Variants in DTNA observed in about 807,000 individuals in gnomAD.
DTNA encodes the protein dystrobrevin alpha.
Under a neutral mutation model 100.7 loss-of-function variants are expected in DTNA, and 43 were observed. The observed-to-expected ratio is 0.43, with a 90% CI of 0.33 to 0.55. The LOEUF (loss-of-function observed/expected upper bound fraction) is 0.55. DTNA is among the 20% of genes least tolerant of loss of function. DTNA has a pLI of 0.04. For missense variants in DTNA, 798 were observed against 953.9 expected (o/e 0.84, Z 2.15); for synonymous variants, 349 against 347.9 (o/e 1.00, Z -0.04).
At chr18:34,559,276 T>C (rs934185751) in intron 1 of DTNA, among the ~76,000 whole-genome samples, 3 of 152,228 alleles carry the variant, frequency 2.0e-5, no homozygotes, top group Non-Finnish European at 4.4e-5. Flanking sequence ...AAACTCACAG[T>C]TGTTTAATTG....
chr18:34,591,882 G>T (rs1169959115), intron 1 of DTNA, among the ~76,000 whole-genome samples: 3 of 152,160 alleles, frequency 2.0e-5, no homozygotes, highest in Admixed American at 1.3e-4. Context: ...ACTAAAATAG[G>T]CTAGTAATAT....
intron 1 of DTNA, among the ~76,000 whole-genome samples, chr18:34,640,221 T>A (rs540387783): frequency 3.3e-5 from 5 of 152,316 alleles, no homozygotes; most frequent in African/African-American, 1.2e-4. Context: ...GACCATTTCA[T>A]TACCTCTCTC....
At chr18:34,555,395 A>C (rs2045923438) in intron 1 of DTNA, among the ~76,000 whole-genome samples, 1 of 150,822 alleles carries the variant, frequency 6.6e-6, no homozygotes, top group African/African-American at 2.5e-5. Flanking sequence ...CTCTGATTTT[A>C]GTTATTTCTT....
chr18:34,496,258 T>C (rs1245523181), intron 1 of DTNA, among the ~76,000 whole-genome samples: 2 of 133,318 alleles, frequency 1.5e-5, no homozygotes, highest in Non-Finnish European at 3.2e-5. Context: ...GAATTATGGC[T>C]ACATCTTTAT....
intron 1 of DTNA, among the ~76,000 whole-genome samples, chr18:34,553,563 G>A (rs1049299336): frequency 5.9e-5 from 9 of 152,124 alleles, no homozygotes; most frequent in African/African-American, 2.2e-4. Flanking sequence ...TGTATAAGGT[G>A]TAAGGAAGGG....
chr18:34,838,852 G>T lies in DTNA; in HGVS notation c.1346+15G>T. The T allele has an allele frequency of 6.2e-7, 1 of 1,611,604 alleles. No homozygotes were observed. Among genetic ancestry groups the T allele is most frequent in the Non-Finnish European group, 8.5e-7 (1 of 1,177,936 alleles). ...AACCCCTCATGGTTAGTGCAGGTTT[G>T]GCTGCTTGACTGTCCTTAGAGAGGG... On this transcript the variant is annotated intron_variant, in intron 13 of 22. Transcript: ENST00000444659.
At chr18:34,615,787 T>C (rs910805587) in intron 1 of DTNA, among the ~76,000 whole-genome samples, 3 of 152,152 alleles carry the variant, frequency 2.0e-5, no homozygotes, top group African/African-American at 4.8e-5. Context: ...GTTCCCTTTT[T>C]TGTGTCTATG....
intron 3 of DTNA, among the ~76,000 whole-genome samples, chr18:34,773,189 T>A (rs939022015): frequency 1.3e-5 from 2 of 152,232 alleles, no homozygotes; most frequent in African/African-American, 4.8e-5. Flanking sequence ...TCAGCTAATT[T>A]GGGATCATAA....
intron 4 of DTNA, among the ~76,000 whole-genome samples, chr18:34,795,663 A>G (rs1037425597): frequency 1.4e-4 from 22 of 152,202 alleles, no homozygotes; most frequent in African/African-American, 5.3e-4. Context: ...TTTGTTAGAA[A>G]TGTAACAATG....
At chr18:34,682,612 T>G (rs1006037071) in intron 1 of DTNA, among the ~76,000 whole-genome samples, 1 of 152,204 alleles carries the variant, frequency 6.6e-6, no homozygotes, top group Non-Finnish European at 1.5e-5. Flanking sequence ...CTAATGATGT[T>G]GAACATCTTT....
chr18:34,759,641 G>A (rs935340808), intron 2 of DTNA, among the ~76,000 whole-genome samples: 1 of 152,192 alleles, frequency 6.6e-6, no homozygotes, highest in Non-Finnish European at 1.5e-5. Context: ...AAATCAAAAG[G>A]AGGCAAATGA....
chr18:34,576,234 A>G (rs2048101347), intron 1 of DTNA, among the ~76,000 whole-genome samples: 1 of 152,170 alleles, frequency 6.6e-6, no homozygotes, highest in African/African-American at 2.4e-5. Flanking sequence ...CCTGTGTCAC[A>G]CAAGTGACTG....
intron 1 of DTNA, among the ~76,000 whole-genome samples, chr18:34,516,690 G>A (rs2041656648): frequency 6.6e-6 from 1 of 152,266 alleles, no homozygotes; most frequent in Non-Finnish European, 1.5e-5. Flanking sequence ...TTTGTAAGAA[G>A]AGAAATATGA....
intron 1 of DTNA, among the ~76,000 whole-genome samples, chr18:34,518,840 C>T (rs553560389): frequency 6.6e-6 from 1 of 151,138 alleles, no homozygotes; most frequent in Non-Finnish European, 1.5e-5. Context: ...GGGGGAGGTA[C>T]ATATAGCAAT....
chr18:34,553,478 G>A (rs1374394660), intron 1 of DTNA, among the ~76,000 whole-genome samples: 3 of 151,574 alleles, frequency 2.0e-5, no homozygotes, highest in Non-Finnish European at 2.9e-5. Context: ...GAATGGTAAT[G>A]CCTAGGTTTT....
chr18:34,806,176 GTTTTGT>G (rs777057682), intron 4 of DTNA, 37 bp from the exon 5 acceptor site: 1 of 1,552,414 alleles, frequency 6.4e-7, no homozygotes, highest in Non-Finnish European at 8.9e-7. Flanking sequence ...TCATGGTTTT[GTTTTGT>G]TTTTGTTTTT....
At chr18:34,792,392 A>C (rs2094787769) in intron 3 of DTNA, among the ~76,000 whole-genome samples, 1 of 152,212 alleles carries the variant, frequency 6.6e-6, no homozygotes, top group Admixed American at 6.5e-5. Context: ...AAAGTCAGAA[A>C]CCATAGATCT....
At chr18:34,777,617 A>T (rs2094124074) in intron 3 of DTNA, among the ~76,000 whole-genome samples, 1 of 152,192 alleles carries the variant, frequency 6.6e-6, no homozygotes, top group Non-Finnish European at 1.5e-5. Context: ...GGAAACTTAC[A>T]ATCATGGCAG....
chr18:34,545,259 C>T (rs1039267064), intron 1 of DTNA, among the ~76,000 whole-genome samples: 2 of 152,066 alleles, frequency 1.3e-5, no homozygotes, highest in African/African-American at 4.8e-5. Flanking sequence ...CCAATGGACA[C>T]TGGATCTGGA....
Sources: gnomAD v4.1 joint callset for allele counts (sites outside exome capture counted in the v4.1 genomes callset) on GRCh38, gnomAD v4.1.1 for gene constraint, MANE v1.5 for transcripts, NCBI Gene and HGNC (gene_info 2026-07-23, HGNC 2026-07-21) for gene names.